The following C4BPA variants were observed in gnomAD, a reference collection of about 807,000 sequenced individuals.
The protein encoded by C4BPA is C4b-binding protein alpha chain.
C4BPA carries 31 observed loss-of-function variants against 63.7 expected under a neutral mutation model. The ratio of observed to expected loss-of-function variants is 0.49; its 90% CI spans 0.37 to 0.66. The LOEUF (loss-of-function observed/expected upper bound fraction) is 0.66. Ranked by LOEUF, C4BPA falls within the 30% of genes least tolerant of loss-of-function variation. The pLI is 0.00. For missense variants in C4BPA, 572 were observed against 723.3 expected, an observed-to-expected ratio of 0.79 and a Z score of 2.40; for synonymous variants, 259 against 254.7, an observed-to-expected ratio of 1.02 and a Z score of -0.16.
In C4BPA at chr1:207,144,913, G is replaced by A. The variant is rs552017263; in HGVS notation, c.*196G>A. 2.3e-5 allele frequency: 8 copies of A among 342,954 alleles called. No homozygotes were observed. The East Asian group carries it at 3.8e-4, about 16-fold the overall frequency. The allele number at this position is 342,954 out of a possible 1,614,324, so 21.2% of individuals were successfully genotyped here. ...CATCCTCTGTGTGGCTCATGTTTTTGCTTTTCAACACACAAAGCACAAATT... is the reference window on the plus strand; with the variant it reads ...CATCCTCTGTGTGGCTCATGTTTTTACTTTTCAACACACAAAGCACAAATT... On this transcript the variant is annotated 3_prime_UTR_variant, in exon 12 of 12. Coordinates refer to ENST00000367070, the MANE Select transcript of C4BPA (RefSeq NM_000715.4).
chr1:207,108,022 G>A (rs1485159499), intron 1 of C4BPA, among the ~76,000 whole-genome samples: 4 of 152,188 alleles, frequency 2.6e-5, no homozygotes, highest in Admixed American at 2.6e-4. Flanking sequence ...AGTGTTGGAG[G>A]AACATAGTGA....
At chr1:207,116,151 T>C (rs1684781656) in intron 4 of C4BPA, among the ~76,000 whole-genome samples, 1 of 152,236 alleles carries the variant, frequency 6.6e-6, no homozygotes, top group Admixed American at 6.5e-5. Context: ...TATGTAAATG[T>C]CTGTCTCTCC....
intron 4 of C4BPA, among the ~76,000 whole-genome samples, chr1:207,116,088 T>C (rs936572068): frequency 2.6e-5 from 4 of 152,154 alleles, no homozygotes; most frequent in African/African-American, 9.7e-5. Context: ...TATTTGAAAA[T>C]TTGAAAGATA....
At chr1:207,141,349 C>T in intron 10 of C4BPA, 73 bp downstream of exon 10, 1 of 1,176,290 alleles carries the variant, frequency 8.5e-7, no homozygotes, top group Non-Finnish European at 1.2e-6. Context: ...AGCTAAGTTT[C>T]TTCCCTGTCA....
At chr1:207,110,957 T>C (rs1014900959) in intron 1 of C4BPA, among the ~76,000 whole-genome samples, 6 of 152,250 alleles carry the variant, frequency 3.9e-5, no homozygotes, top group Non-Finnish European at 2.9e-5. Flanking sequence ...GTTTTTAATC[T>C]CTTTCTTCAA....
Position 207,123,944 on chromosome 1 carries a change from A to G in C4BPA, c.451A>G (p.Thr151Ala), listed in dbSNP as rs146506452. The change falls in exon 5 of 12, where the codon ACT becomes GCT. Residue 151 changes from threonine to alanine, a missense_variant. Physicochemically the swap from Thr to Ala is moderately conservative, Grantham distance 58. This residue lies in a region of C4BPA where 465 missense variants were observed against 629.4 expected (regional missense o/e 0.74). Transcript: ENST00000367070. Reference protein sequence around the residue: ...SEGFFLIGSTTSRCEVQDRGV... With the variant: ...SEGFFLIGSTASRCEVQDRGV... ...CAGATTTTTCTTAATTGGCTCAACCACTAGTCGTTGTGAAGTCCAAGATAG... is the reference window on the plus strand; with the variant it reads ...CAGATTTTTCTTAATTGGCTCAACCGCTAGTCGTTGTGAAGTCCAAGATAG... 2.0e-5 allele frequency: 33 copies of G among 1,610,370 alleles called. No homozygotes were observed. In the African/African-American group the frequency reaches 4.3e-4, roughly 21 times the overall value.
rs535925890 is a variant in C4BPA at position 207,114,405 on chromosome 1, T to C, written c.328+120T>C. 3.6e-4 allele frequency: 245 copies of C among 679,264 alleles called. 1 individual carries two copies. The East Asian group carries it at 8.0e-3, about 22-fold the overall frequency. The allele number at this position is 679,264 out of a possible 1,614,324, so 42.1% of individuals were successfully genotyped here. On this transcript the variant is annotated intron_variant, in intron 3 of 11. Transcript: ENST00000367070. ...ACAGTTTGTCAATTACTGATTTCAA[T>C]GTACATACTTGTGGCATTTTTTGAA...
chr1:207,120,446 A>G (rs1386218875), intron 4 of C4BPA, among the ~76,000 whole-genome samples: 1 of 152,186 alleles, frequency 6.6e-6, no homozygotes, highest in Non-Finnish European at 1.5e-5. Flanking sequence ...GTCCCCCAGT[A>G]GAAGCATTCT....
At chr1:207,126,328 C>A (rs535669280) in intron 6 of C4BPA, among the ~76,000 whole-genome samples, 1 of 146,964 alleles carries the variant, frequency 6.8e-6, no homozygotes. Flanking sequence ...GTTATATATT[C>A]TATAAGACTA....
chr1:207,138,978 A>G (rs1331428304), intron 9 of C4BPA, among the ~76,000 whole-genome samples: 1 of 152,164 alleles, frequency 6.6e-6, no homozygotes, highest in East Asian at 1.9e-4. Context: ...TGGGGGAATT[A>G]ACATGATGCC....
chr1:207,133,134 C>G (rs1249431519), intron 8 of C4BPA, among the ~76,000 whole-genome samples: 1 of 152,108 alleles, frequency 6.6e-6, no homozygotes, highest in Non-Finnish European at 1.5e-5. Context: ...GTTATGAAAC[C>G]TGATCAAATG....
In C4BPA at chr1:207,115,627, C is replaced by A; in HGVS notation, c.428+112C>A. The A allele has an allele frequency of 8.9e-6, 5 of 562,854 alleles. No homozygotes were observed. In the South Asian group the frequency reaches 1.3e-4, roughly 14 times the overall value. 34.9% of individuals were successfully genotyped at this position (562,854 alleles called of 1,614,324 possible). On this transcript the variant is annotated intron_variant, in intron 4 of 11. Transcript: ENST00000367070. ...TGTAAAAAGATAGACGTTGAGAATT[C>A]TCATTTCCATCCTATCTCCATACAC...
At chr1:207,119,993 GT>G (rs1285959127) in intron 4 of C4BPA, among the ~76,000 whole-genome samples, 2 of 152,158 alleles carry the variant, frequency 1.3e-5, no homozygotes, top group African/African-American at 4.8e-5. Flanking sequence ...GGTTATTATA[GT>G]TTTTTGTTGA....
chr1:207,126,995 C>T (rs1354024395), intron 7 of C4BPA, 100 bp downstream of exon 7: 1 of 807,468 alleles, frequency 1.2e-6, no homozygotes, highest in Non-Finnish European at 1.9e-6. Context: ...CTATGAATTA[C>T]AGTAAAAATT....
chr1:207,116,516 A>ATGTGTGTGTGTGTGTG (rs57449727), intron 4 of C4BPA, among the ~76,000 whole-genome samples: 9 of 79,922 alleles, frequency 1.1e-4, no homozygotes, highest in Non-Finnish European at 2.1e-4. Flanking sequence ...GTGTGTGTAT[A>ATGTGTGTGTGTGTGTG]TGTGTGTGTG....
intron 8 of C4BPA, among the ~76,000 whole-genome samples, chr1:207,132,838 T>C (rs1270755040): frequency 6.6e-6 from 1 of 151,998 alleles, no homozygotes; most frequent in East Asian, 1.9e-4. Flanking sequence ...GCCTGGGCAA[T>C]AGAGTGAGAC....
intron 9 of C4BPA, among the ~76,000 whole-genome samples, chr1:207,139,115 C>T (rs773130491): frequency 2.6e-5 from 4 of 152,186 alleles, no homozygotes; most frequent in Non-Finnish European, 5.9e-5. Context: ...CTCCTCACAC[C>T]TTCCATGTAT....
At chr1:207,105,761 T>A (rs768656448) in intron 1 of C4BPA, among the ~76,000 whole-genome samples, 6 of 152,074 alleles carry the variant, frequency 3.9e-5, no homozygotes, top group Non-Finnish European at 5.9e-5. Context: ...AAATAAATAT[T>A]AACTTAAAAA....
intron 9 of C4BPA, 51 bp from the exon 10 acceptor site, chr1:207,141,055 T>C: frequency 2.8e-6 from 4 of 1,440,482 alleles, no homozygotes; most frequent in Non-Finnish European, 3.8e-6. Context: ...ATGTGCTACT[T>C]TATACACTTT....
Sources: gnomAD v4.1 joint callset for allele counts (sites outside exome capture counted in the v4.1 genomes callset) on GRCh38, gnomAD v4.1.1 for gene constraint, gnomAD v4.1.1 regional missense constraint, MANE v1.5 for transcripts, NCBI Gene and HGNC (gene_info 2026-07-23, HGNC 2026-07-21) for gene names.